CRMP1: variants seen among roughly 807,000 people sequenced by gnomAD.
The protein encoded by CRMP1 is collapsin response mediator protein 1.
Under a neutral mutation model 68.3 loss-of-function variants are expected in CRMP1, and 19 were observed. That is an observed-to-expected ratio of 0.28 (90% confidence interval 0.19 to 0.41). The LOEUF (loss-of-function observed/expected upper bound fraction) is 0.41, where lower values mean the gene tolerates loss of function less well. Ranked by LOEUF, CRMP1 falls within the 10% of genes least tolerant of loss-of-function variation. The probability of loss-of-function intolerance (pLI) is 1.00; values close to 1 mark genes in which losing one functional copy is unlikely to be tolerated. For missense variants in CRMP1, 791 were observed against 967.4 expected, an observed-to-expected ratio of 0.82 and a Z score of 2.42; for synonymous variants, 439 against 399.6, an observed-to-expected ratio of 1.10 and a Z score of -1.18.
rs1187867211 is a variant in CRMP1, at chr4:5,853,266, AG to A, written c.821-1798del. 6.6e-6 allele frequency among the ~76,000 whole-genome samples: 1 copy of A among 152,158 alleles called. No homozygotes were observed. Among genetic ancestry groups the A allele is most frequent in the Non-Finnish European group, 1.5e-5 (1 of 68,030 alleles). ...CGTCTCTACTAAAAATACAAAAATT[AG>A]CCGGGTGTGGTGGCAGGTGCCTGTA... On this transcript the variant is annotated intron_variant, in intron 4 of 13. Coordinates refer to ENST00000324989, the MANE Select transcript of CRMP1 (RefSeq NM_001014809.3). This position sits in a 1 kb window ranked among gnomAD's most constrained non-coding sequence, Gnocchi z 4.7.
rs932439364 is a variant in CRMP1, at chr4:5,866,408, G to A, written c.470+260C>T. On this transcript the variant is annotated intron_variant, in intron 2 of 13. Transcript: ENST00000324989. The surrounding 1 kb of genome is among the most constrained non-coding windows in gnomAD (Gnocchi z 5.9). Reference sequence around the variant, plus strand: ...AAAACAGGAAACGTGTCTGCATTTTGCAGCCTTTGTGTGAGCATTGCAAGA... The same window carrying A: ...AAAACAGGAAACGTGTCTGCATTTTACAGCCTTTGTGTGAGCATTGCAAGA... Among the ~76,000 whole-genome samples the A allele has an allele frequency of 2.6e-5, 4 of 152,244 alleles. No homozygotes were observed. The highest frequency in any genetic ancestry group is 5.9e-5 in the Non-Finnish European group (4 of 68,044).
intron 11 of CRMP1, among the ~76,000 whole-genome samples, chr4:5,832,244 T>C (rs867194116): frequency 2.0e-5 from 3 of 152,228 alleles, no homozygotes; most frequent in African/African-American, 7.2e-5. Context: ...TCTGGAATTA[T>C]GATTGTACAA....
At position 5,839,830 on chromosome 4, in the gene CRMP1, C is replaced by T. The variant is rs541855473; in HGVS notation, c.1154-152G>A. The T allele has an allele frequency of 5.1e-4, 476 of 926,106 alleles. 3 individuals are homozygous for T. The highest frequency in any genetic ancestry group is 6.2e-4 in the Non-Finnish European group (394 of 637,424). 57.4% of individuals were successfully genotyped at this position (926,106 alleles called of 1,614,324 possible). A position where few individuals can be genotyped will look rare whatever the true frequency, so the allele number is the denominator to read the frequency against. ...TTCTTGCAGGCATCACCGCCTGCAC[C>T]GCAGGGACCTTGGGTGTCCGGGCCC... On this transcript the variant is annotated intron_variant, in intron 8 of 13. Coordinates refer to ENST00000324989, the MANE Select transcript of CRMP1 (RefSeq NM_001014809.3).
chr4:5,835,785 A>AC, intron 11 of CRMP1, 130 bp downstream of exon 11: 1 of 1,105,156 alleles, frequency 9.0e-7, no homozygotes, highest in South Asian at 3.4e-5. Flanking sequence ...AGAAATGGGA[A>AC]TGACTGAGTC....
intron 8 of CRMP1, among the ~76,000 whole-genome samples, chr4:5,840,493 C>G (rs1047772791): frequency 1.3e-5 from 2 of 152,224 alleles, no homozygotes; most frequent in African/African-American, 4.8e-5. Flanking sequence ...CTCTGCCCGG[C>G]TCTAGGGCAG....
At chr4:5,845,399 T>C (rs766679777) in intron 6 of CRMP1, among the ~76,000 whole-genome samples, 59 of 152,358 alleles carry the variant, frequency 3.9e-4, no homozygotes, top group Non-Finnish European at 5.9e-4. Flanking sequence ...GGGCTGCCCA[T>C]GTGCAAGGAA....
At position 5,891,167 on chromosome 4, in the gene CRMP1, C is replaced by T. The variant is rs368223593; in HGVS notation, c.381+1422G>A. Among the ~76,000 whole-genome samples, 5 of 120,008 alleles carry T rather than the reference C, an allele frequency of 4.2e-5. 1 individual carries two copies. Among genetic ancestry groups the T allele is most frequent in the African/African-American group, 1.5e-4 (5 of 32,594 alleles). 78.7% of individuals were successfully genotyped at this position (120,008 alleles called of 152,430 possible). On this transcript the variant is annotated intron_variant, in intron 1 of 13. Coordinates refer to ENST00000324989, the MANE Select transcript of CRMP1 (RefSeq NM_001014809.3). The surrounding 1 kb of genome is among the most constrained non-coding windows in gnomAD (Gnocchi z 5.2). ...TCCCTTTCTGATCACCCCACCACCA[C>T]ACACACATACACACACACACACACA...
At chr4:5,862,867 C>T (rs935376860) in intron 2 of CRMP1, among the ~76,000 whole-genome samples, 1 of 152,190 alleles carries the variant, frequency 6.6e-6, no homozygotes, top group African/African-American at 2.4e-5. Context: ...TACAGTGGTA[C>T]AGGTCATGGC....
chr4:5,886,309 G>T (rs546241851), intron 1 of CRMP1, among the ~76,000 whole-genome samples: 3 of 152,306 alleles, frequency 2.0e-5, no homozygotes, highest in Admixed American at 6.5e-5. Flanking sequence ...AAGAACTAAA[G>T]CAGCAAGACC....
Position 5,855,266 on chromosome 4 carries a change from T to C in CRMP1, c.820+877A>G, listed in dbSNP as rs1352244175. 2.0e-5 allele frequency among the ~76,000 whole-genome samples: 3 copies of C among 152,148 alleles called. No homozygotes were observed. Among genetic ancestry groups the C allele is most frequent in the African/African-American group, 7.2e-5 (3 of 41,426 alleles). ...TCCATTTTCTGACTTTCTTTAAATA[T>C]TGGGGATGATACTGTTATTACGAGA... On this transcript the variant is annotated intron_variant, in intron 4 of 13. Transcript: ENST00000324989. The surrounding 1 kb of genome is among the most constrained non-coding windows in gnomAD (Gnocchi z 4.9).
intron 2 of CRMP1, among the ~76,000 whole-genome samples, chr4:5,862,457 A>C (rs1446235216): frequency 6.6e-6 from 1 of 152,156 alleles, no homozygotes; most frequent in Non-Finnish European, 1.5e-5. Context: ...CATCCTCTCC[A>C]AACGTGTGGG....
At position 5,833,244 on chromosome 4, in the gene CRMP1, G is replaced by A. The variant is rs1051032800; in HGVS notation, c.1623+2671C>T. 6.3e-5 allele frequency among the ~76,000 whole-genome samples: 5 copies of A among 79,134 alleles called. 1 individual carries two copies. The highest frequency in any genetic ancestry group is 1.7e-4 in the African/African-American group (3 of 17,396). The allele number at this position is 79,134 out of a possible 152,430, so 51.9% of individuals were successfully genotyped here. A position where few individuals can be genotyped will look rare whatever the true frequency, so the allele number is the denominator to read the frequency against. ...TGCAGTGGTGGGATCTCGGCTCACC[G>A]CAAGCTCCGCCTCCCGGGTTCACGC... On this transcript the variant is annotated intron_variant, in intron 11 of 13. Coordinates refer to ENST00000324989, the MANE Select transcript of CRMP1 (RefSeq NM_001014809.3).
intron 1 of CRMP1, among the ~76,000 whole-genome samples, chr4:5,867,023 C>T (rs1264708118): frequency 6.6e-6 from 1 of 152,108 alleles, no homozygotes; most frequent in Non-Finnish European, 1.5e-5. Context: ...CCTATAAATA[C>T]TTCACTAGAT....
At position 5,861,330 on chromosome 4, in the gene CRMP1, G is replaced by A. The variant is rs1577809220; in HGVS notation, c.471-120C>T. ...GAGCCAGGCCCTTCACAAGGCCCTGGGGAGACAGAGATAACTCAGGCAGGG... is the reference window on the plus strand; with the variant it reads ...GAGCCAGGCCCTTCACAAGGCCCTGAGGAGACAGAGATAACTCAGGCAGGG... On this transcript the variant is annotated intron_variant, in intron 2 of 13. Coordinates refer to ENST00000324989, the MANE Select transcript of CRMP1 (RefSeq NM_001014809.3). This position sits in a 1 kb window ranked among gnomAD's most constrained non-coding sequence, Gnocchi z 6.0. 1.7e-5 allele frequency: 17 copies of A among 990,764 alleles called. No homozygotes were observed. In the East Asian group the frequency reaches 4.1e-4, roughly 24 times the overall value. 61.4% of individuals were successfully genotyped at this position (990,764 alleles called of 1,614,324 possible). A position where few individuals can be genotyped will look rare whatever the true frequency, so the allele number is the denominator to read the frequency against.
At chr4:5,848,958 A>T (rs1362302426) in intron 6 of CRMP1, among the ~76,000 whole-genome samples, 2 of 152,244 alleles carry the variant, frequency 1.3e-5, no homozygotes, top group African/African-American at 4.8e-5. Flanking sequence ...AGTTTTCAAC[A>T]TATGAACTTT....
intron 6 of CRMP1, among the ~76,000 whole-genome samples, chr4:5,844,758 A>G (rs1412382649): frequency 6.6e-6 from 1 of 152,200 alleles, no homozygotes; most frequent in African/African-American, 2.4e-5. Context: ...ACACTGGTGC[A>G]GGGGTGCGTG....
Position 5,834,578 on chromosome 4 carries a change from G to A in CRMP1, c.1623+1337C>T, listed in dbSNP as rs1216920234. On this transcript the variant is annotated intron_variant, in intron 11 of 13. Coordinates refer to ENST00000324989, the MANE Select transcript of CRMP1 (RefSeq NM_001014809.3). This position sits in a 1 kb window ranked among gnomAD's most constrained non-coding sequence, Gnocchi z 4.3. ...TATTTTCTTATAAATTACCCAGTCT[G>A]TGGTATCTATTACAGTAGCACAAAA... Among the ~76,000 whole-genome samples, 3 of 152,132 alleles carry A rather than the reference G, an allele frequency of 2.0e-5. No individual in the cohort carries two copies. Among genetic ancestry groups the A allele is most frequent in the African/African-American group, 4.8e-5 (2 of 41,410 alleles).
At chr4:5,828,323 C>G in intron 12 of CRMP1, 166 bp downstream of exon 12, 7 of 981,974 alleles carry the variant, frequency 7.1e-6, no homozygotes, top group Non-Finnish European at 8.5e-6. Flanking sequence ...CTCCTGTCCT[C>G]AGACAGGAGC....
intron 3 of CRMP1, among the ~76,000 whole-genome samples, chr4:5,857,325 C>T (rs1051380218): frequency 6.6e-6 from 1 of 151,750 alleles, no homozygotes; most frequent in African/African-American, 2.4e-5. Context: ...ATCATCATCC[C>T]TATTATCACC....
Sources: gnomAD v4.1 joint callset for allele counts (sites outside exome capture counted in the v4.1 genomes callset) on GRCh38, gnomAD v4.1.1 for gene constraint, Gnocchi (gnomAD v3.1) non-coding constraint, MANE v1.5 for transcripts, NCBI Gene and HGNC (gene_info 2026-07-23, HGNC 2026-07-21) for gene names.